The following MED27 variants were observed in gnomAD, a reference collection of about 807,000 sequenced individuals.
MED27 encodes mediator of RNA polymerase II transcription subunit 27.
A neutral mutation model predicts 38.2 loss-of-function variants in MED27; 30 were observed. The ratio of observed to expected loss-of-function variants is 0.79; its 90% CI spans 0.59 to 1.07. MED27 has a LOEUF of 1.07. Ranked by LOEUF, MED27 falls within the 50% of genes least tolerant of loss-of-function variation. The pLI, the probability that MED27 is intolerant of heterozygous loss-of-function variation, is 0.00. For missense variants in MED27, 289 were observed against 397.5 expected, an observed-to-expected ratio of 0.73 and a Z score of 2.32; for synonymous variants, 122 against 153.5, an observed-to-expected ratio of 0.79 and a Z score of 1.52.
chr9:131,902,612 G>A (rs911397870), intron 4 of MED27, among the ~76,000 whole-genome samples: 2 of 152,092 alleles, frequency 1.3e-5, no homozygotes, highest in Non-Finnish European at 2.9e-5. Context: ...CCATACTGAA[G>A]GTCACTCATT....
intron 3 of MED27, among the ~76,000 whole-genome samples, chr9:132,004,265 G>C (rs988476195): frequency 6.6e-6 from 1 of 152,148 alleles, no homozygotes; most frequent in African/African-American, 2.4e-5. Context: ...TAACGACAGA[G>C]AGCATTTAAA....
intron 4 of MED27, among the ~76,000 whole-genome samples, chr9:131,934,333 A>G (rs909827120): frequency 1.3e-5 from 2 of 152,204 alleles, no homozygotes; most frequent in Non-Finnish European, 2.9e-5. Flanking sequence ...AACAAAGTGA[A>G]GAGACAGTCC....
At chr9:131,989,924 G>T (rs969948030) in intron 3 of MED27, among the ~76,000 whole-genome samples, 1 of 152,170 alleles carries the variant, frequency 6.6e-6, no homozygotes, top group Non-Finnish European at 1.5e-5. Flanking sequence ...GCAGAGCCTT[G>T]CTCAAAATAC....
At chr9:131,933,125 T>C (rs1383055675) in intron 4 of MED27, among the ~76,000 whole-genome samples, 2 of 152,150 alleles carry the variant, frequency 1.3e-5, no homozygotes, top group African/African-American at 2.4e-5. Context: ...TTCAACATAA[T>C]AAAAGCCATA....
intron 4 of MED27, among the ~76,000 whole-genome samples, chr9:131,903,891 C>CTTTTT (rs35837340): frequency 6.3e-5 from 8 of 126,710 alleles, no homozygotes; most frequent in Non-Finnish European, 8.6e-5. Flanking sequence ...CCACACACAG[C>CTTTTT]TTTTTTTTTT....
At chr9:132,022,720 C>T (rs1297364628) in intron 2 of MED27, among the ~76,000 whole-genome samples, 4 of 152,178 alleles carry the variant, frequency 2.6e-5, no homozygotes, top group African/African-American at 7.2e-5. Context: ...TTAATTGACT[C>T]GCAGTTCCAC....
intron 4 of MED27, among the ~76,000 whole-genome samples, chr9:131,911,711 T>G (rs189837269): frequency 6.6e-6 from 1 of 152,342 alleles, no homozygotes; most frequent in East Asian, 1.9e-4. Context: ...ACATTAGATA[T>G]AGTCTTTTAG....
chr9:132,079,576 A>C lies in MED27; in HGVS notation c.203+66T>G, dbSNP rs1013156174. The C allele has an allele frequency of 8.1e-6, 12 of 1,490,360 alleles. No homozygotes were observed. The African/African-American group carries it at 1.7e-4, about 21-fold the overall frequency. The allele number at this position is 1,490,360 out of a possible 1,614,324, so 92.3% of individuals were successfully genotyped here. On this transcript the variant is annotated intron_variant, in intron 1 of 7. Coordinates refer to ENST00000292035, the MANE Select transcript of MED27 (RefSeq NM_004269.4). The stretch of plus-strand genomic sequence containing the variant: ...AACAGCCCCTGCCTGGGAAGACTCG[A>C]GCGACGTAGGGGCAGGGTCGGAGCG...
chr9:131,907,361 G>C (rs7030330), intron 4 of MED27, among the ~76,000 whole-genome samples: 124,353 of 151,854 alleles, frequency 0.82, 51,146 homozygotes, highest in Middle Eastern at 0.88. Context: ...GCGACTGCAG[G>C]CACGCGCCGC....
intron 2 of MED27, among the ~76,000 whole-genome samples, chr9:132,069,909 C>G (rs555101346): frequency 6.6e-6 from 1 of 152,200 alleles, no homozygotes; most frequent in Non-Finnish European, 1.5e-5. Context: ...TGACTGCACA[C>G]CGCCAGGCAC....
At chr9:131,897,354 C>T (rs748553718) in intron 4 of MED27, among the ~76,000 whole-genome samples, 6 of 152,200 alleles carry the variant, frequency 3.9e-5, no homozygotes, top group Non-Finnish European at 8.8e-5. Flanking sequence ...AAACTGCTAA[C>T]CACAACGGTT....
intron 3 of MED27, among the ~76,000 whole-genome samples, chr9:131,950,548 C>G (rs537199123): frequency 6.6e-6 from 1 of 152,296 alleles, no homozygotes; most frequent in Admixed American, 6.5e-5. Context: ...CCCTGAGAAT[C>G]TACATGGTAG....
intron 4 of MED27, among the ~76,000 whole-genome samples, chr9:131,909,742 GCAA>G (rs1328901279): frequency 1.3e-5 from 2 of 152,206 alleles, no homozygotes; most frequent in South Asian, 2.1e-4. Flanking sequence ...TTGCAAGTTA[GCAA>G]CAACGAGAGA....
intron 2 of MED27, among the ~76,000 whole-genome samples, chr9:132,028,374 T>G (rs1832873413): frequency 6.6e-6 from 1 of 152,194 alleles, no homozygotes; most frequent in Non-Finnish European, 1.5e-5. Flanking sequence ...CCCACTCACC[T>G]TCTCCCTGTC....
At chr9:131,999,898 A>G (rs527554580) in intron 3 of MED27, among the ~76,000 whole-genome samples, 6 of 152,064 alleles carry the variant, frequency 3.9e-5, no homozygotes, top group Admixed American at 1.3e-4. Context: ...TCCAGCCCAC[A>G]ACTACTGTTT....
chr9:132,047,484 C>T (rs1833369348), intron 2 of MED27, among the ~76,000 whole-genome samples: 1 of 144,860 alleles, frequency 6.9e-6, no homozygotes, highest in Admixed American at 6.9e-5. Context: ...ACGTCTTAGT[C>T]CACTTGGAAC....
intron 2 of MED27, among the ~76,000 whole-genome samples, chr9:132,040,856 T>C (rs1433946645): frequency 1.3e-5 from 2 of 152,156 alleles, no homozygotes; most frequent in Admixed American, 1.3e-4. Context: ...AACAACTAGG[T>C]GCTTCCATCA....
At chr9:131,959,739 A>G (rs1025762355) in intron 3 of MED27, among the ~76,000 whole-genome samples, 1 of 152,156 alleles carries the variant, frequency 6.6e-6, no homozygotes, top group African/African-American at 2.4e-5. Flanking sequence ...TAATCAGAAT[A>G]CCCTATTTCT....
At chr9:132,007,939 C>G (rs780298785) in intron 3 of MED27, among the ~76,000 whole-genome samples, 9 of 152,042 alleles carry the variant, frequency 5.9e-5, no homozygotes, top group Non-Finnish European at 1.0e-4. Context: ...GAGAAACTGC[C>G]TGTCCCCACA....
Sources: gnomAD v4.1 joint callset for allele counts (sites outside exome capture counted in the v4.1 genomes callset) on GRCh38, gnomAD v4.1.1 for gene constraint, MANE v1.5 for transcripts, NCBI Gene and HGNC (gene_info 2026-07-23, HGNC 2026-07-21) for gene names.